SIPA1L2: variants seen among roughly 807,000 people sequenced by gnomAD.
SIPA1L2 encodes signal induced proliferation associated 1 like 2.
Under a neutral mutation model 163.9 loss-of-function variants are expected in SIPA1L2, and 56 were observed. That is an observed-to-expected ratio of 0.34 (90% confidence interval 0.28 to 0.43). The LOEUF (loss-of-function observed/expected upper bound fraction) is 0.43. Ranked by LOEUF, SIPA1L2 falls within the 20% of genes least tolerant of loss-of-function variation. The pLI is 1.00. For missense variants in SIPA1L2, 1,974 were observed against 2,193.5 expected (o/e 0.90, Z 2.00); for synonymous variants, 877 against 865.7 (o/e 1.01, Z -0.23).
chr1:232,442,004 T>A, intron 12 of SIPA1L2, 136 bp from the exon 13 acceptor site: 1 of 674,472 alleles, frequency 1.5e-6, no homozygotes, highest in African/African-American at 1.8e-5. Flanking sequence ...CAAATGAAAA[T>A]GCAAATTGTC....
intron 18 of SIPA1L2, among the ~76,000 whole-genome samples, chr1:232,420,318 C>T (rs376498148): frequency 1.3e-5 from 2 of 151,880 alleles, no homozygotes; most frequent in Non-Finnish European, 2.9e-5. Flanking sequence ...AGCGAAACTC[C>T]GTCTCCAAAC....
At chr1:232,539,593 G>C (rs995199579) in intron 2 of SIPA1L2, among the ~76,000 whole-genome samples, 1 of 152,044 alleles carries the variant, frequency 6.6e-6, no homozygotes, top group East Asian at 1.9e-4. Context: ...TGAAGACTGA[G>C]GTTTTAAAGG....
At position 232,507,176 on chromosome 1, in the gene SIPA1L2, AT is replaced by A. The variant is rs11373672; in HGVS notation, c.1483+6680del. On this transcript the variant is annotated intron_variant, in intron 3 of 22. Coordinates refer to ENST00000674635, the MANE Select transcript of SIPA1L2 (RefSeq NM_020808.5). Reference sequence around the variant, plus strand: ...TCCCCTAAGGCTCTTACGGTCTGTGATTTTTTTTTTTTTCTCCGACTTTCCC... The same window carrying A: ...TCCCCTAAGGCTCTTACGGTCTGTGATTTTTTTTTTTTCTCCGACTTTCCC... Among the ~76,000 whole-genome samples, 208 of 146,850 alleles carry A rather than the reference AT, an allele frequency of 1.4e-3. 2 individuals are homozygous for A. The highest frequency in any genetic ancestry group is 4.7e-3 in the African/African-American group (188 of 39,822).
At chr1:232,402,619 A>G in intron 21 of SIPA1L2, 146 bp from the exon 22 acceptor site, 5 of 606,192 alleles carry the variant, frequency 8.2e-6, no homozygotes, top group Non-Finnish European at 1.1e-5. Context: ...GAAAGTGTCC[A>G]TATTGCTGAT....
At chr1:232,570,604 C>A (rs2102773004) in intron 2 of SIPA1L2, among the ~76,000 whole-genome samples, 1 of 152,234 alleles carries the variant, frequency 6.6e-6, no homozygotes, top group East Asian at 1.9e-4. Flanking sequence ...GTTAAAACAG[C>A]ATTTGAAATG....
chr1:232,418,326 CT>C (rs1207349011), intron 18 of SIPA1L2, among the ~76,000 whole-genome samples: 7 of 152,230 alleles, frequency 4.6e-5, no homozygotes. Flanking sequence ...CTTGCTTCCC[CT>C]TCCCCTGGTC....
chr1:232,483,133 C>T (rs1268618844), intron 6 of SIPA1L2, among the ~76,000 whole-genome samples: 6 of 151,600 alleles, frequency 4.0e-5, no homozygotes, highest in Admixed American at 3.3e-4. Flanking sequence ...TTCATGCATC[C>T]TAGGAGGGCA....
At chr1:232,551,643 C>T (rs985479225) in intron 2 of SIPA1L2, among the ~76,000 whole-genome samples, 26 of 152,216 alleles carry the variant, frequency 1.7e-4, no homozygotes, top group African/African-American at 5.1e-4. Flanking sequence ...GCAGACAGAG[C>T]GCTCCAGGCT....
At chr1:232,565,906 GTA>G (rs924005483) in intron 2 of SIPA1L2, among the ~76,000 whole-genome samples, 3 of 152,176 alleles carry the variant, frequency 2.0e-5, no homozygotes. Flanking sequence ...GGTTCCTATA[GTA>G]TACACTGTCA....
At position 232,482,526 on chromosome 1, in the gene SIPA1L2, A is replaced by G. The variant is rs188042120; in HGVS notation, c.1981+1266T>C. 2.0e-5 allele frequency among the ~76,000 whole-genome samples: 3 copies of G among 152,232 alleles called. No homozygotes were observed. In the East Asian group the frequency reaches 5.8e-4, roughly 29 times the overall value. ...ATTCATATTTTGGGTACCATGAATT[A>G]TGTCTGAGGCATGGGCATTATACAT... On this transcript the variant is annotated intron_variant, in intron 6 of 22. Transcript: ENST00000674635.
At chr1:232,435,170 A>G (rs1384654095) in intron 15 of SIPA1L2, among the ~76,000 whole-genome samples, 4 of 152,194 alleles carry the variant, frequency 2.6e-5, no homozygotes, top group Admixed American at 6.5e-5. Flanking sequence ...GCATGTGTGT[A>G]GGTTACTCAC....
At chr1:232,449,603 A>T (rs1458783302) in intron 10 of SIPA1L2, among the ~76,000 whole-genome samples, 1 of 134,916 alleles carries the variant, frequency 7.4e-6, no homozygotes, top group African/African-American at 2.8e-5. Context: ...ACAAAAGAGA[A>T]GAGGGAAAAA....
intron 2 of SIPA1L2, among the ~76,000 whole-genome samples, chr1:232,528,501 T>G (rs949654779): frequency 6.6e-6 from 1 of 152,156 alleles, no homozygotes; most frequent in Admixed American, 6.5e-5. Flanking sequence ...TAACCCAAAT[T>G]TATTAACTTA....
At chr1:232,621,796 A>T (rs1233280448) in intron 1 of SIPA1L2, among the ~76,000 whole-genome samples, 1 of 151,720 alleles carries the variant, frequency 6.6e-6, no homozygotes, top group South Asian at 2.1e-4. Context: ...CACTGGCACG[A>T]TCAGCCCACC....
At position 232,399,040 on chromosome 1, in the gene SIPA1L2, T is replaced by C; in HGVS notation, c.*87A>G. 6.4e-7 allele frequency: 1 copy of C among 1,572,884 alleles called. No homozygotes were observed. ...GAACAGCAAAAACATCTACGATTGGTTGAAAGCACACAGAAAAACCACATG... is the reference window on the plus strand; with the variant it reads ...GAACAGCAAAAACATCTACGATTGGCTGAAAGCACACAGAAAAACCACATG... On this transcript the variant is annotated 3_prime_UTR_variant, in exon 23 of 23. Transcript: ENST00000674635.
intron 1 of SIPA1L2, among the ~76,000 whole-genome samples, chr1:232,626,942 TCTCA>T (rs746798492): frequency 1.3e-3 from 204 of 152,274 alleles, no homozygotes; most frequent in Non-Finnish European, 2.3e-3. Context: ...CTTTTTCTAC[TCTCA>T]CTCTGCAAAT....
Position 232,513,915 on chromosome 1 carries a change from G to A in SIPA1L2, c.1425C>T (p.Tyr475=). 5 of 1,613,278 alleles carry A rather than the reference G, an allele frequency of 3.1e-6. No individual in the cohort carries two copies. Among genetic ancestry groups the A allele is most frequent in the Non-Finnish European group, 3.4e-6 (4 of 1,179,644 alleles). The change falls in exon 3 of 23, where the codon TAC becomes TAT. Residue 475 remains tyrosine, a synonymous_variant. Coordinates refer to ENST00000674635, the MANE Select transcript of SIPA1L2 (RefSeq NM_020808.5). The part of the protein sequence containing the change: ...QPIHREKVKR[Y]IIEHIDLGAY... ...CCCCAAGGTCAATGTGTTCTATGATGTAGCGCTTCACTTTCTCCCTGTGAA... is the reference window on the plus strand; with the variant it reads ...CCCCAAGGTCAATGTGTTCTATGATATAGCGCTTCACTTTCTCCCTGTGAA...
chr1:232,528,080 A>ATT lies in SIPA1L2; in HGVS notation c.-269-12473_-269-12472insAA, dbSNP rs1329035293. On this transcript the variant is annotated intron_variant, in intron 2 of 22. Transcript: ENST00000674635. ...TCTTGTTAGCAAGTAAGCAAGTTTTATATATATATATATATATATATAATC... is the reference window on the plus strand; with the variant it reads ...TCTTGTTAGCAAGTAAGCAAGTTTTATTTATATATATATATATATATATAATC... Among the ~76,000 whole-genome samples, 4 of 108,480 alleles carry ATT rather than the reference A, an allele frequency of 3.7e-5. 1 individual carries two copies. Among genetic ancestry groups the ATT allele is most frequent in the Admixed American group, 9.4e-5 (1 of 10,626 alleles). The allele number at this position is 108,480 out of a possible 152,430, so 71.2% of individuals were successfully genotyped here. A position where few individuals can be genotyped will look rare whatever the true frequency, so the allele number is the denominator to read the frequency against.
intron 2 of SIPA1L2, among the ~76,000 whole-genome samples, chr1:232,517,652 G>T (rs758267208): frequency 6.6e-6 from 1 of 152,126 alleles, no homozygotes; most frequent in Non-Finnish European, 1.5e-5. Context: ...TCTAACATTT[G>T]TAGCTTTCTC....
Sources: allele counts gnomAD v4.1 joint callset (sites outside exome capture counted in the v4.1 genomes callset), GRCh38; gene constraint gnomAD v4.1.1; transcripts MANE v1.5; gene names NCBI Gene and HGNC (gene_info 2026-07-23, HGNC 2026-07-21).